Variants in PTK2 observed in about 807,000 individuals in gnomAD.
PTK2 encodes protein tyrosine kinase 2.
PTK2 carries 45 observed loss-of-function variants against 150.1 expected under a neutral mutation model. That is an observed-to-expected ratio of 0.30 (90% confidence interval 0.24 to 0.38). The LOEUF (loss-of-function observed/expected upper bound fraction) is 0.38. PTK2 is among the 10% of genes least tolerant of loss of function. The probability of loss-of-function intolerance (pLI) is 1.00; values close to 1 mark genes in which losing one functional copy is unlikely to be tolerated. For missense variants in PTK2, 919 were observed against 1,307.3 expected, an observed-to-expected ratio of 0.70 and a Z score of 4.58; for synonymous variants, 432 against 449.2, an observed-to-expected ratio of 0.96 and a Z score of 0.48.
intron 22 of PTK2, 118 bp from the exon 26 acceptor site, chr8:140,717,827 G>C (rs2100040659): frequency 1.3e-6 from 1 of 755,456 alleles, no homozygotes; most frequent in African/African-American, 1.7e-5. Flanking sequence ...TAACAATAAA[G>C]GATCCTATAC....
intron 3 of PTK2, among the ~76,000 whole-genome samples, chr8:140,887,922 T>C (rs1020795648): frequency 2.6e-5 from 4 of 152,196 alleles, no homozygotes; most frequent in African/African-American, 9.6e-5. Context: ...GCTACGATAA[T>C]GGGCAACGTA....
chr8:140,708,753 G>A (rs1002810131), intron 23 of PTK2, among the ~76,000 whole-genome samples: 1 of 152,120 alleles, frequency 6.6e-6, no homozygotes, highest in Non-Finnish European at 1.5e-5. Context: ...AAGTGGTTGT[G>A]CTGAATTAAA....
chr8:140,810,429 C>G (rs573174018), intron 10 of PTK2, among the ~76,000 whole-genome samples: 2 of 152,302 alleles, frequency 1.3e-5, no homozygotes, highest in South Asian at 2.1e-4. Context: ...GGGTCCCAGC[C>G]TGAACGAGCC....
At chr8:140,971,623 G>C (rs2100187312) in intron 1 of PTK2, among the ~76,000 whole-genome samples, 1 of 152,172 alleles carries the variant, frequency 6.6e-6, no homozygotes, top group Non-Finnish European at 1.5e-5. Context: ...GTTTACAAAG[G>C]AAAACAGTAC....
intron 1 of PTK2, among the ~76,000 whole-genome samples, chr8:140,977,487 T>A (rs1343523956): frequency 6.6e-6 from 1 of 152,042 alleles, no homozygotes; most frequent in East Asian, 1.9e-4. Flanking sequence ...CTGGGCATGG[T>A]GGTGCACACC....
chr8:140,685,370 C>A (rs1172791209), intron 27 of PTK2, among the ~76,000 whole-genome samples: 2 of 152,164 alleles, frequency 1.3e-5, no homozygotes, highest in Non-Finnish European at 2.9e-5. Context: ...AAAGCAACTG[C>A]AACAAACACA....
intron 25 of PTK2, among the ~76,000 whole-genome samples, chr8:140,701,527 G>A (rs904401811): frequency 1.3e-5 from 2 of 152,104 alleles, no homozygotes; most frequent in South Asian, 2.1e-4. Flanking sequence ...TCAGCCTCCT[G>A]AGTAGATGCA....
At chr8:140,829,597 CATA>C (rs756515346) in intron 8 of PTK2, among the ~76,000 whole-genome samples, 2 of 152,100 alleles carry the variant, frequency 1.3e-5, no homozygotes, top group African/African-American at 4.8e-5. Flanking sequence ...TACATTTTCT[CATA>C]ATGAGTATCT....
chr8:140,830,571 CAATT>C (rs1567166881), intron 7 of PTK2, 45 bp from the exon 8 acceptor site: 1 of 1,113,878 alleles, frequency 9.0e-7, no homozygotes. Context: ...ACCACCAAAT[CAATT>C]AATATGACAA....
intron 16 of PTK2, among the ~76,000 whole-genome samples, chr8:140,752,765 C>T (rs955264495): frequency 6.6e-6 from 1 of 152,218 alleles, no homozygotes; most frequent in Admixed American, 6.5e-5. Context: ...GGGATGGAGG[C>T]TGCTGTATGA....
At chr8:140,839,912 G>A (rs2100121273) in intron 7 of PTK2, among the ~76,000 whole-genome samples, 1 of 152,068 alleles carries the variant, frequency 6.6e-6, no homozygotes, top group Non-Finnish European at 1.5e-5. Context: ...AGTAGGAAAA[G>A]GACCTTAAAA....
rs372275957 is a variant in PTK2, at chr8:140,818,363, G to A, written c.790-9C>T. The A allele has an allele frequency of 1.2e-6, 2 of 1,610,156 alleles. No individual in the cohort carries two copies. Among genetic ancestry groups the A allele is most frequent in the Admixed American group, 3.3e-5 (2 of 60,004 alleles). ...GAAATAATCCAGCTTGACTTTTGAAGGTGAAACAAGTGAGAACAGAGGTGG... is the reference window on the plus strand; with the variant it reads ...GAAATAATCCAGCTTGACTTTTGAAAGTGAAACAAGTGAGAACAGAGGTGG... On this transcript the variant is annotated splice_polypyrimidine_tract_variant and intron_variant, in intron 9 of 31. Coordinates refer to ENST00000522684, the Ensembl canonical transcript of PTK2.
At chr8:140,687,663 C>T (rs568006810) in intron 26 of PTK2, among the ~76,000 whole-genome samples, 1 of 152,306 alleles carries the variant, frequency 6.6e-6, no homozygotes, top group East Asian at 1.9e-4. Flanking sequence ...AATTCCAATT[C>T]CAGTGCTGTA....
At chr8:140,847,411 A>G (rs993320690) in intron 5 of PTK2, among the ~76,000 whole-genome samples, 3 of 152,240 alleles carry the variant, frequency 2.0e-5, no homozygotes, top group African/African-American at 7.2e-5. Context: ...GATAAGAGTG[A>G]TATCAATACG....
intron 1 of PTK2, among the ~76,000 whole-genome samples, chr8:140,997,492 T>C (rs1272299626): frequency 6.6e-6 from 1 of 152,230 alleles, no homozygotes; most frequent in South Asian, 2.1e-4. Flanking sequence ...GCAAACCTAA[T>C]TGTTGTCTTA....
intron 11 of PTK2, among the ~76,000 whole-genome samples, chr8:140,803,067 T>C (rs1723277474): frequency 7.4e-6 from 1 of 134,970 alleles, no homozygotes; most frequent in Admixed American, 9.4e-5. Flanking sequence ...CAGGCTGGAG[T>C]GCAGTTGTGT....
At chr8:140,968,026 AT>A (rs1001774829) in intron 1 of PTK2, among the ~76,000 whole-genome samples, 1 of 152,202 alleles carries the variant, frequency 6.6e-6, no homozygotes, top group African/African-American at 2.4e-5. Context: ...CTTCAAAATA[AT>A]TTTTTAGCCA....
intron 4 of PTK2, among the ~76,000 whole-genome samples, chr8:140,874,412 T>C (rs2100144374): frequency 6.6e-6 from 1 of 152,194 alleles, no homozygotes; most frequent in Non-Finnish European, 1.5e-5. Flanking sequence ...TGACTAGAGA[T>C]CTTACTTCTC....
intron 7 of PTK2, among the ~76,000 whole-genome samples, chr8:140,843,312 T>C (rs959676268): frequency 2.0e-5 from 3 of 152,166 alleles, no homozygotes; most frequent in Admixed American, 6.5e-5. Context: ...GTATTATTCA[T>C]GGAAATTTCT....
Sources: allele counts gnomAD v4.1 joint callset (sites outside exome capture counted in the v4.1 genomes callset), GRCh38; gene constraint gnomAD v4.1.1; transcripts MANE v1.5; gene names NCBI Gene and HGNC (gene_info 2026-07-23, HGNC 2026-07-21).